Variants in BRD10 observed in about 807,000 individuals in gnomAD.
BRD10 encodes the protein bromodomain containing 10, also known as uncharacterized bromodomain-containing protein 10.
At chr9:5,911,566 CT>C in the BRD10 span, among the ~76,000 whole-genome samples, 1 of 146,770 alleles carries the variant, frequency 6.8e-6, no homozygotes, top group Non-Finnish European at 1.5e-5. Flanking sequence ...GAGACGGTCT[CT>C]CTCTGTTGCC....
At chr9:5,970,986 C>T in the BRD10 span, among the ~76,000 whole-genome samples, 5 of 126,656 alleles carry the variant, frequency 3.9e-5, no homozygotes, top group East Asian at 7.6e-4. Flanking sequence ...TGGGAGGCAG[C>T]GGTTACAGTG....
At chr9:5,897,570 G>A in the BRD10 span, 62 of 1,613,994 alleles carry the variant, frequency 3.8e-5, no homozygotes, top group Non-Finnish European at 4.9e-5. Flanking sequence ...CGCTGGGATC[G>A]GCATCCTGAC....
chr9:5,955,836 T>G, the BRD10 span, among the ~76,000 whole-genome samples: 1 of 152,308 alleles, frequency 6.6e-6, no homozygotes, highest in African/African-American at 2.4e-5. Flanking sequence ...GGTGGGCTGC[T>G]TAAATAAGCA....
At chr9:5,899,593 A>G in the BRD10 span, among the ~76,000 whole-genome samples, 1 of 152,234 alleles carries the variant, frequency 6.6e-6, no homozygotes, top group African/African-American at 2.4e-5. Context: ...AGTTAGGGAT[A>G]GAATTCCTGC....
the BRD10 span, among the ~76,000 whole-genome samples, chr9:5,936,501 A>G: frequency 6.6e-6 from 1 of 152,194 alleles, no homozygotes; most frequent in Non-Finnish European, 1.5e-5. Context: ...TTTCTATTTT[A>G]AAGTAGTGGA....
At chr9:6,007,753 G>C in the BRD10 span, 2 of 1,586,848 alleles carry the variant, frequency 1.3e-6, no homozygotes, top group Non-Finnish European at 8.5e-7. Context: ...CTCCCCAGCC[G>C]GCTCCATCGC....
chr9:5,995,195 C>T, the BRD10 span, among the ~76,000 whole-genome samples: 1 of 152,228 alleles, frequency 6.6e-6, no homozygotes, highest in Non-Finnish European at 1.5e-5. Context: ...GCCACCATGC[C>T]GGCCCAAATG....
the BRD10 span, among the ~76,000 whole-genome samples, chr9:5,966,705 C>G: frequency 3.3e-5 from 5 of 151,862 alleles, no homozygotes; most frequent in African/African-American, 1.2e-4. Context: ...TGATCTGCCC[C>G]CCTCGGCCTC....
At chr9:5,920,136 G>C in the BRD10 span, 6 of 1,613,888 alleles carry the variant, frequency 3.7e-6, no homozygotes, top group Non-Finnish European at 5.1e-6. Flanking sequence ...TGTAGAGGTT[G>C]GCCACTTAAG....
At chr9:5,952,012 T>TTTA in the BRD10 span, among the ~76,000 whole-genome samples, 3 of 145,830 alleles carry the variant, frequency 2.1e-5, no homozygotes, top group Non-Finnish European at 4.5e-5. Context: ...TATTTATTTA[T>TTTA]TTATTTATTT....
chr9:5,880,243 T>A, the BRD10 span, among the ~76,000 whole-genome samples: 40 of 148,244 alleles, frequency 2.7e-4, no homozygotes, highest in Admixed American at 2.6e-3. Context: ...AAATAAAAAA[T>A]AAAAAAACAA....
chr9:6,001,291 A>C, the BRD10 span, among the ~76,000 whole-genome samples: 2 of 152,104 alleles, frequency 1.3e-5, no homozygotes, highest in Admixed American at 1.3e-4. Context: ...AAACCTCAAA[A>C]TACTACTAGT....
chr9:5,885,228 A>G, the BRD10 span, among the ~76,000 whole-genome samples: 4 of 152,176 alleles, frequency 2.6e-5, no homozygotes, highest in African/African-American at 9.7e-5. Context: ...CTGATTAACA[A>G]TTAGCCATGG....
the BRD10 span, chr9:5,920,002 T>C: frequency 6.2e-7 from 1 of 1,614,006 alleles, no homozygotes; most frequent in African/African-American, 1.3e-5. Context: ...ATACTGTTGG[T>C]ACAGGAGGTG....
At chr9:5,971,966 T>A in the BRD10 span, among the ~76,000 whole-genome samples, 1 of 152,202 alleles carries the variant, frequency 6.6e-6, no homozygotes, top group East Asian at 1.9e-4. Flanking sequence ...TCATATGGAT[T>A]TATTGCCCAA....
chr9:5,888,918 T>C, the BRD10 span, among the ~76,000 whole-genome samples: 3 of 152,194 alleles, frequency 2.0e-5, no homozygotes, highest in Non-Finnish European at 4.4e-5. Context: ...TGAGTTGTGA[T>C]GTACAATGAA....
chr9:5,921,394 T>C, the BRD10 span: 1 of 1,613,986 alleles, frequency 6.2e-7, no homozygotes, highest in Non-Finnish European at 8.5e-7. Context: ...CTTTATGCAA[T>C]GGAGGAGGAA....
chr9:5,961,983 T>C, the BRD10 span, among the ~76,000 whole-genome samples: 5 of 152,168 alleles, frequency 3.3e-5, no homozygotes, highest in East Asian at 9.6e-4. Flanking sequence ...TTTCCTTCAG[T>C]TCTGTTCTGA....
chr9:5,885,203 G>C, the BRD10 span, among the ~76,000 whole-genome samples: 10 of 152,128 alleles, frequency 6.6e-5, no homozygotes, highest in African/African-American at 2.4e-4. Context: ...TTACGTCACA[G>C]CAAGCGCTTG....
Sources: gnomAD v4.1 joint callset for allele counts (sites outside exome capture counted in the v4.1 genomes callset) on GRCh38, gnomAD v4.1.1 for gene constraint, MANE v1.5 for transcripts, NCBI Gene and HGNC (gene_info 2026-07-23, HGNC 2026-07-21) for gene names.